Variants in LRBA observed in about 807,000 individuals in gnomAD.
LRBA encodes LPS responsive beige-like anchor protein, also known as lipopolysaccharide-responsive and beige-like anchor protein.
In LRBA, 176 loss-of-function variants were observed where a neutral mutation model predicts 330.0. The ratio of observed to expected loss-of-function variants is 0.53; its 90% CI spans 0.47 to 0.60. The LOEUF (loss-of-function observed/expected upper bound fraction) is 0.60. Among genes scored for constraint, LRBA ranks in the 20% least tolerant of loss-of-function variants. The pLI is 0.00. For missense variants in LRBA, 3,259 were observed against 3,444.8 expected (o/e 0.95, Z 1.35); for synonymous variants, 1,230 against 1,193.0 (o/e 1.03, Z -0.64).
intron 36 of LRBA, among the ~76,000 whole-genome samples, chr4:150,698,011 ATTTTT>A (rs1784792559): frequency 6.6e-6 from 1 of 152,184 alleles, no homozygotes; most frequent in Non-Finnish European, 1.5e-5. Context: ...GAAGGAAACT[ATTTTT>A]ATCAACTCAA....
At chr4:150,906,705 A>G (rs1579161845) in intron 11 of LRBA, among the ~76,000 whole-genome samples, 1 of 152,340 alleles carries the variant, frequency 6.6e-6, no homozygotes, top group East Asian at 1.9e-4. Context: ...AAAACAACCA[A>G]TAACAAATAC....
chr4:150,889,870 C>T (rs1319314500), intron 17 of LRBA, among the ~76,000 whole-genome samples: 2 of 151,750 alleles, frequency 1.3e-5, no homozygotes, highest in Non-Finnish European at 2.9e-5. Context: ...AGGAAAGTAA[C>T]CACAGACAAT....
chr4:150,325,910 AG>A lies in LRBA; in HGVS notation c.7363-13del. The stretch of plus-strand genomic sequence containing the variant: ...TGAGCTTCAACAGCCTGAAAAGGGC[AG>A]GGGCAAGTCTGAAGGTTAAGAGGTG... On this transcript the variant is annotated splice_polypyrimidine_tract_variant and intron_variant, in intron 48 of 56. Coordinates refer to ENST00000651943, the MANE Select transcript of LRBA (RefSeq NM_001364905.1). 1.3e-6 allele frequency: 2 copies of A among 1,545,304 alleles called. No homozygotes were observed. Among genetic ancestry groups the A allele is most frequent in the Non-Finnish European group, 1.8e-6 (2 of 1,118,286 alleles).
intron 48 of LRBA, among the ~76,000 whole-genome samples, chr4:150,326,687 T>C (rs1474645665): frequency 6.6e-6 from 1 of 152,200 alleles, no homozygotes; most frequent in Admixed American, 6.5e-5. Flanking sequence ...TTCTTCCCAG[T>C]AAAATACAAA....
Position 150,422,786 on chromosome 4 carries a change from G to C in LRBA, c.7042-7196C>G, listed in dbSNP as rs1749002961. The C allele has an allele frequency of 2.1e-6, 3 of 1,451,066 alleles. No individual in the cohort carries two copies. In the South Asian group the frequency reaches 3.4e-5, roughly 17 times the overall value. 89.9% of individuals were successfully genotyped at this position (1,451,066 alleles called of 1,614,324 possible). On this transcript the variant is annotated intron_variant, in intron 46 of 56. Transcript: ENST00000651943. Reference sequence around the variant, plus strand: ...GGCCAGCTGGGCACTGTTCTTTCTGGTAGACCTGCATGTGCTGCGGTTTGC... The same window carrying C: ...GGCCAGCTGGGCACTGTTCTTTCTGCTAGACCTGCATGTGCTGCGGTTTGC...
intron 38 of LRBA, among the ~76,000 whole-genome samples, chr4:150,593,362 T>C (rs1019143187): frequency 4.6e-5 from 7 of 152,184 alleles, no homozygotes; most frequent in Non-Finnish European, 1.0e-4. Flanking sequence ...TTCATTTAAT[T>C]CTCATAAACC....
chr4:150,310,461 C>T, intron 51 of LRBA, 77 bp from the exon 52 acceptor site: 1 of 917,506 alleles, frequency 1.1e-6, no homozygotes, highest in Admixed American at 2.0e-5. Context: ...GAAGAGGAGA[C>T]ACATTCCCAG....
At chr4:150,455,941 G>T (rs371998405) in intron 44 of LRBA, among the ~76,000 whole-genome samples, 1 of 152,004 alleles carries the variant, frequency 6.6e-6, no homozygotes, top group African/African-American at 2.4e-5. Flanking sequence ...TCTGTGCCTG[G>T]TTTATTTCAC....
intron 34 of LRBA, among the ~76,000 whole-genome samples, chr4:150,790,580 C>T (rs1210302023): frequency 6.6e-6 from 1 of 152,086 alleles, no homozygotes; most frequent in Non-Finnish European, 1.5e-5. Context: ...ATCAATAAAG[C>T]ATGTTTGCAT....
At chr4:150,618,283 T>C (rs1775964850) in intron 37 of LRBA, among the ~76,000 whole-genome samples, 1 of 152,166 alleles carries the variant, frequency 6.6e-6, no homozygotes, top group Non-Finnish European at 1.5e-5. Context: ...GGAAAACAAA[T>C]GAAGACCCTG....
rs1739625913 is a variant in LRBA at position 150,789,728 on chromosome 4, T to C, written c.5580+8353A>G. 2.6e-5 allele frequency among the ~76,000 whole-genome samples: 4 copies of C among 152,108 alleles called. No homozygotes were observed. In the South Asian group the frequency reaches 8.3e-4, roughly 31 times the overall value. On this transcript the variant is annotated intron_variant, in intron 34 of 56. Coordinates refer to ENST00000651943, the MANE Select transcript of LRBA (RefSeq NM_001364905.1). ...TATTAAACAAAGGCAATCTCAAAAT[T>C]TACACTTTTAACCTAGCCTCTCTAT...
rs371434395 is a variant in LRBA at position 150,590,857 on chromosome 4, T to G, written c.6049A>C (p.Thr2017Pro). Residue 2017 changes from threonine to proline, a missense_variant and splice_region_variant, in exon 39 of 57, where the codon ACA (threonine) becomes CCA (proline). Coordinates refer to ENST00000651943, the MANE Select transcript of LRBA (RefSeq NM_001364905.1). ...ATLKTAVEHATDEDILAKGKQ... is the reference protein window; with the variant it reads ...ATLKTAVEHAPDEDILAKGKQ... ...CCTTTAGCAAGGATATCTTCATCTG[T>G]GGCTGAAATGAAAAGGAAACAAAGC... 8.7e-6 allele frequency: 14 copies of G among 1,613,628 alleles called. No homozygotes were observed. The highest frequency in any genetic ancestry group is 4.5e-5 in the East Asian group (2 of 44,864).
At chr4:150,936,905 C>T (rs766985786) in intron 2 of LRBA, among the ~76,000 whole-genome samples, 42 of 152,058 alleles carry the variant, frequency 2.8e-4, no homozygotes, top group Admixed American at 2.3e-3. Context: ...ATCCTCCATG[C>T]GATCTAAATT....
intron 17 of LRBA, among the ~76,000 whole-genome samples, chr4:150,876,205 G>A (rs1184922678): frequency 2.6e-5 from 4 of 152,146 alleles, no homozygotes; most frequent in Non-Finnish European, 5.9e-5. Context: ...ATGAAAAAAA[G>A]TCTTCAAGAA....
chr4:150,817,135 C>A lies in LRBA; in HGVS notation c.5294G>T (p.Gly1765Val). ...GATAACTAACTCACCTGGTGATTCT[C>A]CTCCCATATCTGAGGCTTGGGCTGA... ...VDSAQASDMG[G>V]ESPGSRSSNA... Residue 1765 changes from glycine to valine, a missense_variant, in exon 31 of 57, where the codon GGA (glycine) becomes GTA (valine). Transcript: ENST00000651943. The A allele has an allele frequency of 1.2e-6, 2 of 1,611,712 alleles. No homozygotes were observed. The highest frequency in any genetic ancestry group is 1.7e-6 in the Non-Finnish European group (2 of 1,178,434).
At chr4:150,267,947 C>T (rs779023076) in intron 56 of LRBA, among the ~76,000 whole-genome samples, 3 of 151,746 alleles carry the variant, frequency 2.0e-5, no homozygotes, top group Non-Finnish European at 2.9e-5. Flanking sequence ...GTAATCCCAG[C>T]TACTTGGAAG....
intron 28 of LRBA, among the ~76,000 whole-genome samples, chr4:150,839,057 C>T (rs1035290258): frequency 6.6e-6 from 1 of 151,940 alleles, no homozygotes; most frequent in Non-Finnish European, 1.5e-5. Flanking sequence ...AAAAAACAAC[C>T]CCATCAAAAA....
intron 40 of LRBA, among the ~76,000 whole-genome samples, chr4:150,571,179 A>T (rs1769791029): frequency 1.3e-5 from 2 of 151,648 alleles, no homozygotes; most frequent in Non-Finnish European, 1.5e-5. Flanking sequence ...CCCTTTCTGC[A>T]GCTTCTTTTT....
Position 150,775,607 on chromosome 4 carries a change from T to C in LRBA, c.5581-13760A>G, listed in dbSNP as rs558478904. Among the ~76,000 whole-genome samples the C allele has an allele frequency of 2.0e-5, 3 of 150,584 alleles. No homozygotes were observed. The South Asian group carries it at 6.3e-4, about 32-fold the overall frequency. On this transcript the variant is annotated intron_variant, in intron 34 of 56. Transcript: ENST00000651943. ...AGATCTAAAGGACAACCAGACTAGA[T>C]TGGAATAGGAAAAAGGGGACTCTAG...
Sources: gnomAD v4.1 joint callset for allele counts (sites outside exome capture counted in the v4.1 genomes callset) on GRCh38, gnomAD v4.1.1 for gene constraint, MANE v1.5 for transcripts, NCBI Gene and HGNC (gene_info 2026-07-23, HGNC 2026-07-21) for gene names.